The following DOCK5 variants were observed in gnomAD, a reference collection of about 807,000 sequenced individuals.
DOCK5 encodes dedicator of cytokinesis protein 5.
Under a neutral mutation model 251.8 loss-of-function variants are expected in DOCK5, and 142 were observed. The ratio of observed to expected loss-of-function variants is 0.56; its 90% CI spans 0.49 to 0.65. The LOEUF (loss-of-function observed/expected upper bound fraction) is 0.65. Among genes scored for constraint, DOCK5 ranks in the 30% least tolerant of loss-of-function variants. The pLI, the probability that DOCK5 is intolerant of heterozygous loss-of-function variation, is 0.00. For missense variants in DOCK5, 2,111 were observed against 2,312.3 expected, an observed-to-expected ratio of 0.91 and a Z score of 1.79; for synonymous variants, 842 against 835.5, an observed-to-expected ratio of 1.01 and a Z score of -0.13.
At chr8:25,313,556 G>A (rs1339968375) in intron 13 of DOCK5, among the ~76,000 whole-genome samples, 1 of 152,180 alleles carries the variant, frequency 6.6e-6, no homozygotes, top group African/African-American at 2.4e-5. Flanking sequence ...TTGGTCCTGA[G>A]ACCCTGTGTG....
At chr8:25,398,231 A>G (rs1230171006) in intron 45 of DOCK5, among the ~76,000 whole-genome samples, 4 of 152,214 alleles carry the variant, frequency 2.6e-5, no homozygotes, top group African/African-American at 9.6e-5. Flanking sequence ...CAAAAACAAA[A>G]TTGTTACAAC....
At chr8:25,369,715 A>G in intron 34 of DOCK5, 74 bp downstream of exon 34, 1 of 1,302,554 alleles carries the variant, frequency 7.7e-7, no homozygotes. Context: ...GTCCTGTTTC[A>G]CCAATAGAGC....
At chr8:25,220,737 T>A (rs1197083502) in intron 1 of DOCK5, among the ~76,000 whole-genome samples, 2 of 152,330 alleles carry the variant, frequency 1.3e-5, no homozygotes, top group East Asian at 3.9e-4. Flanking sequence ...CTCAGACTCC[T>A]GGGATTACAG....
At chr8:25,340,375 C>A (rs73676703) in intron 22 of DOCK5, among the ~76,000 whole-genome samples, 1,779 of 152,216 alleles carry the variant, frequency 0.012, 26 homozygotes, top group African/African-American at 0.041. Context: ...GAATTCAAGC[C>A]ATCCTATTCT....
At chr8:25,196,908 A>C (rs1050951559) in intron 1 of DOCK5, among the ~76,000 whole-genome samples, 1 of 152,186 alleles carries the variant, frequency 6.6e-6, no homozygotes, top group Non-Finnish European at 1.5e-5. Flanking sequence ...GTTCTTCACT[A>C]AATATTTTGG....
At chr8:25,254,542 G>A (rs1385221015) in intron 2 of DOCK5, among the ~76,000 whole-genome samples, 8 of 151,890 alleles carry the variant, frequency 5.3e-5, no homozygotes, top group Non-Finnish European at 1.2e-4. Flanking sequence ...TTGGGAGGCC[G>A]AGGTGGGCAG....
chr8:25,389,684 T>G (rs1043571103), intron 41 of DOCK5, among the ~76,000 whole-genome samples: 2 of 152,154 alleles, frequency 1.3e-5, no homozygotes, highest in Non-Finnish European at 2.9e-5. Flanking sequence ...GATTTTAACC[T>G]CTCTTATCCT....
At chr8:25,234,719 G>T (rs921317197) in intron 1 of DOCK5, among the ~76,000 whole-genome samples, 1 of 152,176 alleles carries the variant, frequency 6.6e-6, no homozygotes, top group East Asian at 1.9e-4. Flanking sequence ...CTTGGAAGGG[G>T]CAGCAAGAAA....
intron 1 of DOCK5, among the ~76,000 whole-genome samples, chr8:25,189,921 C>T (rs1220494055): frequency 6.6e-6 from 1 of 152,156 alleles, no homozygotes; most frequent in Non-Finnish European, 1.5e-5. Flanking sequence ...GAGTCTTGCT[C>T]TGTCGCCCAG....
In DOCK5 at chr8:25,238,795, ATG is replaced by A. The variant is rs150798332; in HGVS notation, c.44-4875_44-4874del. ...TGGATTTTATAGAAGAGATAAAAAT[ATG>A]TGTTTTTAAAATATATTCTTTTCTG... is the stretch of plus-strand genomic sequence containing the variant. On this transcript the variant is annotated intron_variant, in intron 1 of 51. Transcript: ENST00000276440. Among the ~76,000 whole-genome samples, 1,310 of 152,372 alleles carry A rather than the reference ATG, an allele frequency of 8.6e-3. 13 individuals are homozygous for A. Among genetic ancestry groups the A allele is most frequent in the Non-Finnish European group, 0.01 (713 of 68,042 alleles).
At chr8:25,371,357 A>G (rs567721139) in intron 34 of DOCK5, among the ~76,000 whole-genome samples, 2 of 152,318 alleles carry the variant, frequency 1.3e-5, no homozygotes, top group Admixed American at 6.5e-5. Context: ...AGTCCCAGCT[A>G]CTTGGGAGGC....
intron 2 of DOCK5, among the ~76,000 whole-genome samples, chr8:25,257,174 A>T (rs1035822048): frequency 6.6e-6 from 1 of 152,138 alleles, no homozygotes; most frequent in Non-Finnish European, 1.5e-5. Flanking sequence ...CAGGAACCAG[A>T]AGACAGACCT....
intron 1 of DOCK5, among the ~76,000 whole-genome samples, chr8:25,227,653 C>A (rs912924026): frequency 6.6e-6 from 1 of 151,994 alleles, no homozygotes; most frequent in Non-Finnish European, 1.5e-5. Context: ...ACCATTTGTT[C>A]AGTTATTTAA....
At chr8:25,213,448 T>C (rs114338430) in intron 1 of DOCK5, among the ~76,000 whole-genome samples, 119 of 152,002 alleles carry the variant, frequency 7.8e-4, no homozygotes, top group African/African-American at 2.8e-3. Flanking sequence ...CTTTCCTTTG[T>C]GTGCGTCTGG....
At chr8:25,259,201 C>T (rs1265674450) in intron 2 of DOCK5, among the ~76,000 whole-genome samples, 1 of 152,086 alleles carries the variant, frequency 6.6e-6, no homozygotes, top group African/African-American at 2.4e-5. Context: ...GATGGTGTGC[C>T]TATGCGTGTG....
chr8:25,359,188 C>A, intron 28 of DOCK5, 127 bp downstream of exon 28: 2 of 752,458 alleles, frequency 2.7e-6, no homozygotes, highest in South Asian at 1.7e-5. Context: ...TGTGGCTGTC[C>A]ACAGTGATTA....
rs745860086 is a variant in DOCK5, at chr8:25,254,773, C to CAAAAAAAAAAA, written c.127+11025_127+11026insAAAAAAAAAAA. ...CTGGCGACAAAGCAAGACTTTGTCT[C>CAAAAAAAAAAA]AAAAAAAAACAAAACAAAACAAAAA... On this transcript the variant is annotated intron_variant, in intron 2 of 51. Transcript: ENST00000276440. 3.0e-3 allele frequency among the ~76,000 whole-genome samples: 20 copies of CAAAAAAAAAAA among 6,566 alleles called. 9 individuals are homozygous for CAAAAAAAAAAA. The highest frequency in any genetic ancestry group is 0.012 in the East Asian group (2 of 172). The allele number at this position is 6,566 out of a possible 152,430, so 4.3% of individuals were successfully genotyped here.
Position 25,239,982 on chromosome 8 carries a change from C to G in DOCK5, c.44-3692C>G, listed in dbSNP as rs141967204. ...CTGAGAGGTTGACTGTGATGTAAGC[C>G]AAGCTGCAGGTGCAGGGTGCACTGC... On this transcript the variant is annotated intron_variant, in intron 1 of 51. Transcript: ENST00000276440. Among the ~76,000 whole-genome samples the G allele has an allele frequency of 3.8e-3, 586 of 152,238 alleles. 6 individuals carry two copies. The highest frequency in any genetic ancestry group is 0.014 in the African/African-American group (562 of 41,554).
chr8:25,303,063 T>C (rs1370610337), intron 10 of DOCK5, among the ~76,000 whole-genome samples: 3 of 152,122 alleles, frequency 2.0e-5, no homozygotes, highest in Admixed American at 2.0e-4. Context: ...GATGGTACAT[T>C]TTATGTTATG....
Sources: allele counts gnomAD v4.1 joint callset (sites outside exome capture counted in the v4.1 genomes callset), GRCh38; gene constraint gnomAD v4.1.1; transcripts MANE v1.5; gene names NCBI Gene and HGNC (gene_info 2026-07-23, HGNC 2026-07-21).